Variants in NFX1 observed in about 807,000 individuals in gnomAD.
The protein encoded by NFX1 is transcriptional repressor NF-X1.
In NFX1, 69 loss-of-function variants were observed where a neutral mutation model predicts 137.2. The ratio of observed to expected loss-of-function variants is 0.50; its 90% CI spans 0.41 to 0.61. The LOEUF (loss-of-function observed/expected upper bound fraction) is 0.61, where lower values mean the gene tolerates loss of function less well. Among genes scored for constraint, NFX1 ranks in the 20% least tolerant of loss-of-function variants. The pLI is 0.00. For synonymous variants in NFX1, 495 were observed against 474.1 expected, an observed-to-expected ratio of 1.04 and a Z score of -0.57; for missense variants, 1,167 against 1,391.0, an observed-to-expected ratio of 0.84 and a Z score of 2.56.
chr9:33,294,602 C>G lies in NFX1; in HGVS notation c.208C>G (p.Gln70Glu). 1 of 1,614,170 alleles carries G rather than the reference C, an allele frequency of 6.2e-7. No individual in the cohort carries two copies. Among genetic ancestry groups the G allele is most frequent in the Non-Finnish European group, 8.5e-7 (1 of 1,180,036 alleles). The change falls in exon 2 of 24, where the codon CAG becomes GAG. Residue 70 changes from glutamine to glutamate, a missense_variant. Coordinates refer to ENST00000379540, the MANE Select transcript of NFX1 (RefSeq NM_002504.6). ...TTATGATGAAATCTCTGCTGTTCATCAGCATAGTTATCATCCGTCAGGAAG... is the reference window on the plus strand; with the variant it reads ...TTATGATGAAATCTCTGCTGTTCATGAGCATAGTTATCATCCGTCAGGAAG... ...VPYDEISAVH[Q>E]HSYHPSGSKP...
chr9:33,308,685 G>A (rs920844628), intron 5 of NFX1, among the ~76,000 whole-genome samples: 28 of 152,128 alleles, frequency 1.8e-4, no homozygotes, highest in African/African-American at 6.5e-4. Context: ...CACTTATAGG[G>A]TTCTATGAAA....
chr9:33,303,237 A>G lies in NFX1; in HGVS notation c.1239A>G (p.Ala413=), dbSNP rs779126884. 1 of 1,614,116 alleles carries G rather than the reference A, an allele frequency of 6.2e-7. No homozygotes were observed. Residue 413 remains alanine, a synonymous_variant, in exon 4 of 24, where the codon GCA becomes GCG. Coordinates refer to ENST00000379540, the MANE Select transcript of NFX1 (RefSeq NM_002504.6). ...WRCPACQNVS[A]HVPNTYTCFC... is the part of the protein sequence containing the mutation. ...GCCCTGCCTGTCAGAATGTTTCTGCACATGTTCCTAATACCTACACTTGTT... is the reference window on the plus strand; with the variant it reads ...GCCCTGCCTGTCAGAATGTTTCTGCGCATGTTCCTAATACCTACACTTGTT...
In NFX1 at chr9:33,352,686, T is replaced by G; in HGVS notation, c.2696T>G (p.Val899Gly). 1 of 1,614,234 alleles carries G rather than the reference T, an allele frequency of 6.2e-7. No homozygotes were observed. Among genetic ancestry groups the G allele is most frequent in the Non-Finnish European group, 8.5e-7 (1 of 1,180,016 alleles). The change falls in exon 17 of 24, where the codon GTG becomes GGG. Residue 899 changes from valine (V) to glycine (G), a missense_variant. Physicochemically the swap from Val to Gly is moderately radical, Grantham distance 109. Around this residue, in one of 3 missense-constraint regions of NFX1, gnomAD observed 312 missense variants for 312.8 expected, o/e 1.00. Transcript: ENST00000379540. ...GAATGTGGACGAAGAAAAGAGATGGTGATTTGCTCTGAAGCATCTAGTACT... is the reference window on the plus strand; with the variant it reads ...GAATGTGGACGAAGAAAAGAGATGGGGATTTGCTCTGAAGCATCTAGTACT... ...QCECGRRKEM[V>G]ICSEASSTYQ...
At chr9:33,293,120 T>C (rs1821221914) in intron 1 of NFX1, among the ~76,000 whole-genome samples, 1 of 152,238 alleles carries the variant, frequency 6.6e-6, no homozygotes, top group South Asian at 2.1e-4. Context: ...CAAGCTCTGT[T>C]AGTGTAAGAG....
chr9:33,355,787 G>A (rs1352103031), intron 19 of NFX1, among the ~76,000 whole-genome samples: 1 of 151,806 alleles, frequency 6.6e-6, no homozygotes, highest in Non-Finnish European at 1.5e-5. Flanking sequence ...TGGCATTACA[G>A]GTGTGTACCA....
At chr9:33,363,504 G>C (rs897980378) in intron 19 of NFX1, among the ~76,000 whole-genome samples, 1 of 151,834 alleles carries the variant, frequency 6.6e-6, no homozygotes, top group East Asian at 1.9e-4. Context: ...GGCTGGTCTC[G>C]AACTCCTGGC....
chr9:33,361,959 CA>C (rs1172182982), intron 19 of NFX1, among the ~76,000 whole-genome samples: 2 of 151,870 alleles, frequency 1.3e-5, no homozygotes, highest in East Asian at 3.9e-4. Flanking sequence ...CCTGTCTCTA[CA>C]AAAAATACAA....
rs1277115876 is a variant in NFX1 at position 33,308,909 on chromosome 9, GT to G, written c.1376+1611del. The stretch of plus-strand genomic sequence containing the variant: ...TGGCGCTGGGGAAATGTCAGTGGGG[GT>G]AGAGCTGTTTTAAACTGGGCTAGAC... On this transcript the variant is annotated intron_variant, in intron 5 of 23. Coordinates refer to ENST00000379540, the MANE Select transcript of NFX1 (RefSeq NM_002504.6). Among the ~76,000 whole-genome samples the G allele has an allele frequency of 3.9e-5, 6 of 152,246 alleles. No individual in the cohort carries two copies. The East Asian group carries it at 1.2e-3, about 29-fold the overall frequency.
In NFX1 at chr9:33,294,578, T is replaced by C. The variant is rs201619308; in HGVS notation, c.184T>C (p.Tyr62His). Residue 62 changes from tyrosine to histidine, a missense_variant, in exon 2 of 24, where the codon TAT becomes CAT. Physicochemically the swap from Tyr to His is moderately conservative, Grantham distance 83 (BLOSUM62 2). This residue lies in a region of NFX1 where 367 missense variants were observed against 386.7 expected (regional missense o/e 0.95). Coordinates refer to ENST00000379540, the MANE Select transcript of NFX1 (RefSeq NM_002504.6). ...CTGTCACCTTTCCAGGCAGGTCCCT[T>C]ATGATGAAATCTCTGCTGTTCATCA... ...PPCHLSRQVPYDEISAVHQHS... is the reference protein window; with the variant it reads ...PPCHLSRQVPHDEISAVHQHS... 3 of 1,614,210 alleles carry C rather than the reference T, an allele frequency of 1.9e-6. No homozygotes were observed. Among genetic ancestry groups the C allele is most frequent in the Admixed American group, 1.7e-5 (1 of 60,032 alleles).
At chr9:33,369,518 C>A (rs1824266374) in intron 23 of NFX1, among the ~76,000 whole-genome samples, 1 of 152,218 alleles carries the variant, frequency 6.6e-6, no homozygotes, top group Non-Finnish European at 1.5e-5. Flanking sequence ...GTTTGTCCCA[C>A]TATCAAAACT....
At chr9:33,307,073 T>C in intron 4 of NFX1, 121 bp from the exon 5 acceptor site, 4 of 645,766 alleles carry the variant, frequency 6.2e-6, no homozygotes, top group Non-Finnish European at 1.1e-5. Context: ...ATAATACATT[T>C]GTTGAAATAA....
At chr9:33,366,480 C>T (rs112614986) in intron 21 of NFX1, 149 bp from the exon 22 acceptor site, 13 of 872,506 alleles carry the variant, frequency 1.5e-5, no homozygotes, top group African/African-American at 8.4e-5. Flanking sequence ...CCCCTCCAGG[C>T]TTGCTTGGCA....
At position 33,294,967 on chromosome 9, in the gene NFX1, A is replaced by G. The variant is rs1461705328; in HGVS notation, c.573A>G (p.Glu191=). Reference sequence around the variant, plus strand: ...AAGTCAAGGGGAAACTCAAATGTGAATGGAGTAACCGAACAACTCCAAAAC... The same window carrying G: ...AAGTCAAGGGGAAACTCAAATGTGAGTGGAGTAACCGAACAACTCCAAAAC... ...GPKVKGKLKC[E]WSNRTTPKPE... Residue 191 remains glutamate (E), a synonymous_variant, in exon 2 of 24, where the codon GAA becomes GAG. Coordinates refer to ENST00000379540, the MANE Select transcript of NFX1 (RefSeq NM_002504.6). 1.2e-6 allele frequency: 2 copies of G among 1,614,082 alleles called. No homozygotes were observed. Among genetic ancestry groups the G allele is most frequent in the Non-Finnish European group, 1.7e-6 (2 of 1,180,050 alleles).
chr9:33,296,367 G>A (rs1009633634), intron 2 of NFX1, among the ~76,000 whole-genome samples: 1 of 152,112 alleles, frequency 6.6e-6, no homozygotes, highest in Non-Finnish European at 1.5e-5. Flanking sequence ...GCATGGTGTT[G>A]CATGTGGCTC....
rs1180591381 is a variant in NFX1 at position 33,371,034 on chromosome 9, G to A, written c.*1056G>A. ...TGCATTGGCACCCCTCCAGCCTGGA[G>A]GCCAGGCTTCCAGCAACTTCCTTCT... On this transcript the variant is annotated 3_prime_UTR_variant, in exon 24 of 24. Transcript: ENST00000379540. The A allele has an allele frequency of 6.6e-6, 1 of 152,166 alleles. No homozygotes were observed. The allele number at this position is 152,166 out of a possible 1,614,324, so 9.4% of individuals were successfully genotyped here. A position where few individuals can be genotyped will look rare whatever the true frequency, so the allele number is the denominator to read the frequency against.
intron 4 of NFX1, among the ~76,000 whole-genome samples, chr9:33,306,409 T>A (rs1166058056): frequency 1.3e-5 from 2 of 152,206 alleles, no homozygotes; most frequent in African/African-American, 4.8e-5. Context: ...TTTGGACATA[T>A]GGGTCTGAAA....
chr9:33,367,749 A>G (rs553995089), intron 23 of NFX1, 130 bp downstream of exon 23: 2 of 757,162 alleles, frequency 2.6e-6, no homozygotes, highest in African/African-American at 3.5e-5. Flanking sequence ...ATGTTCAAAT[A>G]TGTAATGTTT....
chr9:33,301,126 C>A, intron 2 of NFX1, 137 bp from the exon 3 acceptor site: 1 of 796,480 alleles, frequency 1.3e-6, no homozygotes, highest in Non-Finnish European at 1.9e-6. Flanking sequence ...AGCTGCCTTA[C>A]CCAGAATCAG....
intron 7 of NFX1, among the ~76,000 whole-genome samples, chr9:33,317,462 A>G (rs1037014849): frequency 4.6e-5 from 7 of 150,818 alleles, no homozygotes; most frequent in Admixed American, 1.3e-4. Context: ...AAGAAATTGC[A>G]CATGCACTTA....
Sources: allele counts gnomAD v4.1 joint callset (sites outside exome capture counted in the v4.1 genomes callset), GRCh38; gene constraint gnomAD v4.1.1; regional missense constraint gnomAD v4.1.1; transcripts MANE v1.5; gene names NCBI Gene and HGNC (gene_info 2026-07-23, HGNC 2026-07-21).